TREML2: variants seen among roughly 807,000 people sequenced by gnomAD.
TREML2 encodes trem-like transcript 2 protein.
In TREML2, 24 loss-of-function variants were observed where a neutral mutation model predicts 25.9. The observed-to-expected ratio is 0.93, with a 90% CI of 0.67 to 1.30. TREML2 has a LOEUF of 1.30. Ranked by LOEUF, TREML2 falls within the 50% of genes most tolerant of loss-of-function variation. The pLI is 0.00. For synonymous variants in TREML2, 139 were observed against 155.2 expected, an observed-to-expected ratio of 0.90 and a Z score of 0.77; for missense variants, 359 against 395.6, an observed-to-expected ratio of 0.91 and a Z score of 0.78.
At position 41,201,112 on chromosome 6, in the gene TREML2, A is replaced by T; in HGVS notation, c.-104T>A. 1 of 1,365,450 alleles carries T rather than the reference A, an allele frequency of 7.3e-7. No individual in the cohort carries two copies. The highest frequency in any genetic ancestry group is 2.3e-5 in the East Asian group (1 of 43,562). 84.6% of individuals were successfully genotyped at this position (1,365,450 alleles called of 1,614,324 possible). The stretch of plus-strand genomic sequence containing the variant: ...CTGCCAGGGAAGGACCCGGGGTTCT[A>T]AAAGTGAAGCTGCCCATTTAGGGAA... On this transcript the variant is annotated 5_prime_UTR_variant, in exon 1 of 5. Coordinates refer to ENST00000483722, the MANE Select transcript of TREML2 (RefSeq NM_024807.4).
intron 1 of TREML2, 114 bp downstream of exon 1, chr6:41,200,840 A>G: frequency 1.0e-6 from 1 of 978,098 alleles, no homozygotes; most frequent in Non-Finnish European, 1.4e-6. Context: ...CTCCTTCCCC[A>G]ACCCACAAAA....
rs552895236 is a variant in TREML2, at chr6:41,190,912, T to G, written c.*1515A>C. Reference sequence around the variant, plus strand: ...CTGTCCTGGGTCCAGAGCCGTCAATTCTTCAGCCTCAGTCTTCCCTCTATT... The same window carrying G: ...CTGTCCTGGGTCCAGAGCCGTCAATGCTTCAGCCTCAGTCTTCCCTCTATT... On this transcript the variant is annotated 3_prime_UTR_variant, in exon 5 of 5. Coordinates refer to ENST00000483722, the MANE Select transcript of TREML2 (RefSeq NM_024807.4). 1 of 152,190 alleles carries G rather than the reference T, an allele frequency of 6.6e-6. No individual in the cohort carries two copies. The highest frequency in any genetic ancestry group is 6.5e-5 in the Admixed American group (1 of 15,284). The allele number at this position is 152,190 out of a possible 1,614,324, so 9.4% of individuals were successfully genotyped here.
rs1561887549 is a variant in TREML2, at chr6:41,191,168, C to CGTGTGTGTGTGTGT, written c.*1258_*1259insACACACACACACAC. ...TCCAGTCACTCCAGGTCAGTAGACA[C>CGTGTGTGTGTGTGT]CTGTGTGTGTGTGTGTGTGTGTGTG... On this transcript the variant is annotated 3_prime_UTR_variant, in exon 5 of 5. Coordinates refer to ENST00000483722, the MANE Select transcript of TREML2 (RefSeq NM_024807.4). 1 of 119,956 alleles carries CGTGTGTGTGTGTGT rather than the reference C, an allele frequency of 8.3e-6. No individual in the cohort carries two copies. The highest frequency in any genetic ancestry group is 1.7e-5 in the Non-Finnish European group (1 of 57,230). The allele number at this position is 119,956 out of a possible 1,614,324, so 7.4% of individuals were successfully genotyped here.
chr6:41,197,724 T>C (rs1766193859), intron 2 of TREML2, among the ~76,000 whole-genome samples: 1 of 152,226 alleles, frequency 6.6e-6, no homozygotes, highest in Non-Finnish European at 1.5e-5. Flanking sequence ...TCTCCCATAG[T>C]GCAGGATTGT....
rs61998254 is a variant in TREML2 at position 41,198,413 on chromosome 6, A to G, written c.72T>C (p.Ser24=). The G allele has an allele frequency of 0.12, 191,653 of 1,599,106 alleles. 13,020 individuals are homozygous for G. The highest frequency in any genetic ancestry group is 0.16 in the South Asian group (14,230 of 90,702). ...QGCVSGPSAD[S]VYTKVRLLEG... ...CAAGGAGCCTCACTTTTGTGTATAC[A>G]CTGTCAGCAGAGGGGCCTGTGGAGA... The change falls in exon 2 of 5, where the codon AGT becomes AGC. Residue 24 remains serine, a synonymous_variant. Coordinates refer to ENST00000483722, the MANE Select transcript of TREML2 (RefSeq NM_024807.4).
Position 41,190,118 on chromosome 6 carries a change from T to A in TREML2, c.*2309A>T, listed in dbSNP as rs970762102. ...CTGTGCAAGTTCCCATATCTGTGCC[T>A]GCAGCTTGATTTTTCAGGCTGTTCT... On this transcript the variant is annotated 3_prime_UTR_variant, in exon 5 of 5. Transcript: ENST00000483722. Among the ~76,000 whole-genome samples, 2 of 152,174 alleles carry A rather than the reference T, an allele frequency of 1.3e-5. No individual in the cohort carries two copies. The highest frequency in any genetic ancestry group is 2.9e-5 in the Non-Finnish European group (2 of 68,024).
chr6:41,200,962 C>T lies in TREML2; in HGVS notation c.47G>A (p.Cys16Tyr). The change falls in exon 1 of 5, where the codon TGC becomes TAC. Residue 16 changes from cysteine (C) to tyrosine (Y), a missense_variant. Cys to Tyr is a radical substitution (Grantham distance 194). Coordinates refer to ENST00000483722, the MANE Select transcript of TREML2 (RefSeq NM_024807.4). ...GCCCCTTCTCCCCTCACCTGAGACG[C>T]AACCCTGTGGCCACAGCAGCAGCAG... ...LLLLLLWPQG[C>Y]VSGPSADSVY... 1 of 1,569,674 alleles carries T rather than the reference C, an allele frequency of 6.4e-7. No individual in the cohort carries two copies. The highest frequency in any genetic ancestry group is 8.6e-7 in the Non-Finnish European group (1 of 1,158,246).
rs371918667 is a variant in TREML2, at chr6:41,198,258, C to T, written c.227G>A (p.Arg76His). 2.9e-5 allele frequency: 47 copies of T among 1,614,072 alleles called. No individual in the cohort carries two copies. The highest frequency in any genetic ancestry group is 5.3e-5 in the African/African-American group (4 of 74,914). The change falls in exon 2 of 5, where the codon CGC becomes CAC. Residue 76 changes from arginine (R) to histidine (H), a missense_variant. Physicochemically the swap from Arg to His is conservative, Grantham distance 29. Transcript: ENST00000483722. ...CTGGGCATCGTCCTGCAGCAAGTAG[C>T]GGGGCCCTTTCACCCAGACTCGGGC... ...GFARVWVKGP[R>H]YLLQDDAQAK...
chr6:41,194,950 T>G, intron 2 of TREML2, 117 bp from the exon 3 acceptor site: 2 of 914,210 alleles, frequency 2.2e-6, no homozygotes, highest in East Asian at 2.6e-5. Context: ...CCTCTTCTCT[T>G]CTCCTTGACC....
At position 41,192,203 on chromosome 6, in the gene TREML2, T is replaced by A. The variant is rs754624312; in HGVS notation, c.*224A>T. 19 of 556,208 alleles carry A rather than the reference T, an allele frequency of 3.4e-5. No homozygotes were observed. The highest frequency in any genetic ancestry group is 5.5e-5 in the Non-Finnish European group (17 of 308,168). The allele number at this position is 556,208 out of a possible 1,614,324, so 34.5% of individuals were successfully genotyped here. A position where few individuals can be genotyped will look rare whatever the true frequency, so the allele number is the denominator to read the frequency against. On this transcript the variant is annotated 3_prime_UTR_variant, in exon 5 of 5. Transcript: ENST00000483722. Reference sequence around the variant, plus strand: ...CATTTCCTCGGGACTTTCTCCCTGATGCCCTTTGCTCTGGGCCCCTCCCCA... The same window carrying A: ...CATTTCCTCGGGACTTTCTCCCTGAAGCCCTTTGCTCTGGGCCCCTCCCCA...
In TREML2 at chr6:41,191,118, T is replaced by A. The variant is rs9462677; in HGVS notation, c.*1309A>T. The A allele has an allele frequency of 0.14, 21,952 of 152,536 alleles. 4,055 individuals are homozygous for A. Among genetic ancestry groups the A allele is most frequent in the African/African-American group, 0.44 (17,850 of 40,982 alleles). 9.4% of individuals were successfully genotyped at this position (152,536 alleles called of 1,614,324 possible). A position where few individuals can be genotyped will look rare whatever the true frequency, so the allele number is the denominator to read the frequency against. On this transcript the variant is annotated 3_prime_UTR_variant, in exon 5 of 5. Coordinates refer to ENST00000483722, the MANE Select transcript of TREML2 (RefSeq NM_024807.4). ...CCTGACCCAGGGTTCAATGCACAGT[T>A]GTCACATTTATCCCCAGGTGCTATT...
chr6:41,194,429 T>G lies in TREML2; in HGVS notation c.781A>C (p.Ile261Leu), dbSNP rs747119388. The change falls in exon 3 of 5, where the codon ATC becomes CTC. Residue 261 changes from isoleucine (I) to leucine (L), a missense_variant. By Grantham distance (5) the Ile-to-Leu change is conservative (BLOSUM62 2). Transcript: ENST00000483722. The stretch of plus-strand genomic sequence containing the variant: ...AACCCCAGGCCCCACAGGTACCTGA[T>G]GGAGGGCATGGAGGGTAGTCTGTTG... ...LLNRLPSMPS[I>L]RHQDVYSTVL... 1.9e-6 allele frequency: 3 copies of G among 1,561,568 alleles called. No homozygotes were observed. The Admixed American group carries it at 5.7e-5, about 30-fold the overall frequency.
chr6:41,197,138 C>G (rs1338733777), intron 2 of TREML2, among the ~76,000 whole-genome samples: 1 of 152,218 alleles, frequency 6.6e-6, no homozygotes, highest in African/African-American at 2.4e-5. Flanking sequence ...ATTCACATCT[C>G]TCTGCCACTA....
chr6:41,199,600 T>A (rs1297111572), intron 1 of TREML2, among the ~76,000 whole-genome samples: 1 of 152,146 alleles, frequency 6.6e-6, no homozygotes, highest in Non-Finnish European at 1.5e-5. Context: ...GTGTGCAGGG[T>A]GACTCAGGGG....
At chr6:41,194,967 C>T in intron 2 of TREML2, 134 bp from the exon 3 acceptor site, 1 of 759,282 alleles carries the variant, frequency 1.3e-6, no homozygotes, top group Non-Finnish European at 2.0e-6. Flanking sequence ...GACCTTGGGC[C>T]TAGGATTCTG....
chr6:41,191,169 CTGTGTG>C lies in TREML2; in HGVS notation c.*1252_*1257del, dbSNP rs1179546033. On this transcript the variant is annotated 3_prime_UTR_variant, in exon 5 of 5. Transcript: ENST00000483722. ...CCAGTCACTCCAGGTCAGTAGACAC[CTGTGTG>C]TGTGTGTGTGTGTGTGTGTGTGTGT... 0.055 allele frequency: 6,437 copies of C among 117,244 alleles called. 204 individuals carry two copies. The highest frequency in any genetic ancestry group is 0.12 in the African/African-American group (3,680 of 29,674). 7.3% of individuals were successfully genotyped at this position (117,244 alleles called of 1,614,324 possible).
At chr6:41,194,865 G>A in intron 2 of TREML2, 32 bp from the exon 3 acceptor site, 1 of 1,534,154 alleles carries the variant, frequency 6.5e-7, no homozygotes, top group Non-Finnish European at 8.8e-7. Context: ...ACGTTAGATT[G>A]ACTTGGGTGC....
At position 41,192,920 on chromosome 6, in the gene TREML2, G is replaced by T; in HGVS notation, c.786-19C>A. Reference sequence around the variant, plus strand: ...CTGGTGCCTGAGAAGAAGGGACAGGGTGGAAGCGGGTGAGCACCAAGGTCC... The same window carrying T: ...CTGGTGCCTGAGAAGAAGGGACAGGTTGGAAGCGGGTGAGCACCAAGGTCC... On this transcript the variant is annotated intron_variant, in intron 3 of 4. Transcript: ENST00000483722. 6.5e-7 allele frequency: 1 copy of T among 1,532,766 alleles called. No homozygotes were observed. The highest frequency in any genetic ancestry group is 1.3e-5 in the South Asian group (1 of 77,268). The allele number at this position is 1,532,766 out of a possible 1,614,324, so 94.9% of individuals were successfully genotyped here.
chr6:41,200,715 C>T (rs912908458), intron 1 of TREML2, among the ~76,000 whole-genome samples: 5 of 152,170 alleles, frequency 3.3e-5, no homozygotes, highest in East Asian at 1.9e-4. Context: ...GGAAGCCTAG[C>T]AGATAAAGGA....
Sources: gnomAD v4.1 joint callset for allele counts (sites outside exome capture counted in the v4.1 genomes callset) on GRCh38, gnomAD v4.1.1 for gene constraint, MANE v1.5 for transcripts, NCBI Gene and HGNC (gene_info 2026-07-23, HGNC 2026-07-21) for gene names.